The following MFSD11 variants were observed in gnomAD, a reference collection of about 807,000 sequenced individuals.
MFSD11 encodes major facilitator superfamily domain containing 11.
A neutral mutation model predicts 53.5 loss-of-function variants in MFSD11; 36 were observed. That is an observed-to-expected ratio of 0.67 (90% CI 0.52 to 0.89). The LOEUF (loss-of-function observed/expected upper bound fraction) is 0.89, where lower values mean the gene tolerates loss of function less well. MFSD11 is among the 40% of genes least tolerant of loss of function. The pLI is 0.00. For missense variants in MFSD11, 530 were observed against 543.9 expected (o/e 0.97, Z 0.25); for synonymous variants, 186 against 184.9 (o/e 1.01, Z -0.05).
chr17:76,777,808 G>C (rs966468030), intron 12 of MFSD11, among the ~76,000 whole-genome samples: 1 of 151,994 alleles, frequency 6.6e-6, no homozygotes, highest in African/African-American at 2.4e-5. Context: ...GTACATTCTT[G>C]TTACTCCAGT....
At chr17:76,744,033 G>T (rs1221979056) in intron 6 of MFSD11, among the ~76,000 whole-genome samples, 2 of 152,182 alleles carry the variant, frequency 1.3e-5, no homozygotes, top group Non-Finnish European at 2.9e-5. Context: ...CGAGTATGTG[G>T]TTCTCAGAAG....
downstream of MFSD11, among the ~76,000 whole-genome samples, chr17:76,785,918 A>G (rs1476063962): frequency 6.6e-6 from 1 of 151,626 alleles, no homozygotes; most frequent in Non-Finnish European, 1.5e-5. Flanking sequence ...TTGTTTCTTA[A>G]AAATACAAAA....
intron 8 of MFSD11, among the ~76,000 whole-genome samples, chr17:76,758,962 G>C (rs1367080540): frequency 6.6e-6 from 1 of 152,024 alleles, no homozygotes; most frequent in African/African-American, 2.4e-5. Flanking sequence ...CACAAATTTT[G>C]AGTCAGGCAC....
intron 8 of MFSD11, among the ~76,000 whole-genome samples, chr17:76,765,312 T>C (rs1197160641): frequency 1.3e-5 from 2 of 152,178 alleles, no homozygotes; most frequent in African/African-American, 4.8e-5. Flanking sequence ...TATAAACATT[T>C]ATCTCTAGAT....
the MFSD11 span, among the ~76,000 whole-genome samples, chr17:76,791,939 AAAG>A: frequency 1.4e-5 from 2 of 146,920 alleles, no homozygotes; most frequent in Admixed American, 6.8e-5. Flanking sequence ...GAAACCAGTG[AAAG>A]AAGAATAGCC....
intron 8 of MFSD11, among the ~76,000 whole-genome samples, chr17:76,765,431 A>G (rs554223206): frequency 1.4e-3 from 79 of 55,678 alleles, no homozygotes; most frequent in Admixed American, 3.3e-3. Flanking sequence ...TATTTTGGCT[A>G]TTGTGGGTCC....
rs747604946 is a variant in MFSD11 at position 76,738,976 on chromosome 17, C to T, written c.135C>T (p.His45=). The change falls in exon 2 of 13, where the codon CAC becomes CAT. Residue 45 remains histidine, a synonymous_variant. Transcript: ENST00000685175. ...VIRSLNRTDF[H]GSGYTSMAII... ...GGAGCTTAAATAGGACAGATTTTCA[C>T]GGCAGTGGATATACCAGGTATTGTA... 5 of 1,613,672 alleles carry T rather than the reference C, an allele frequency of 3.1e-6. No homozygotes were observed. In the South Asian group the frequency reaches 3.3e-5, roughly 11 times the overall value.
At chr17:76,797,271 T>G in the MFSD11 span, among the ~76,000 whole-genome samples, 1,278 of 152,274 alleles carry the variant, frequency 8.4e-3, 12 homozygotes, top group African/African-American at 0.029. Flanking sequence ...ATTTTAAGGT[T>G]GTTTTTTGAT....
the MFSD11 span, among the ~76,000 whole-genome samples, chr17:76,794,151 A>C: frequency 6.6e-6 from 1 of 151,438 alleles, no homozygotes; most frequent in Non-Finnish European, 1.5e-5. Context: ...TTGCTATAGC[A>C]GCAGTAGCAA....
At chr17:76,736,638 A>G (rs552780754), upstream of MFSD11, 25 of 1,161,170 alleles carry the variant, frequency 2.2e-5, no homozygotes, top group African/African-American at 2.3e-4. Context: ...CGGGTCGCAG[A>G]CGGCGGAAGC....
At chr17:76,770,430 C>T (rs550665304) in intron 10 of MFSD11, among the ~76,000 whole-genome samples, 14 of 152,298 alleles carry the variant, frequency 9.2e-5, no homozygotes, top group African/African-American at 2.9e-4. Flanking sequence ...CAATGTCTCC[C>T]GACTTTTCCT....
chr17:76,739,728 C>A (rs771866182), intron 2 of MFSD11, among the ~76,000 whole-genome samples: 1 of 152,162 alleles, frequency 6.6e-6, no homozygotes, highest in Non-Finnish European at 1.5e-5. Flanking sequence ...CCCCGCCCCC[C>A]ACAAACCCAT....
intron 12 of MFSD11, 123 bp from the exon 13 acceptor site, chr17:76,778,065 A>C: frequency 1.2e-6 from 1 of 862,904 alleles, no homozygotes; most frequent in Non-Finnish European, 1.8e-6. Context: ...TTGATGCAGA[A>C]AGAATAGAAA....
At chr17:76,767,897 C>T (rs1163453872) in intron 9 of MFSD11, among the ~76,000 whole-genome samples, 1 of 152,192 alleles carries the variant, frequency 6.6e-6, no homozygotes, top group Non-Finnish European at 1.5e-5. Flanking sequence ...GGAAGGATTC[C>T]ACACAAGGTT....
At chr17:76,749,272 A>G (rs1229974916) in intron 7 of MFSD11, among the ~76,000 whole-genome samples, 1 of 152,110 alleles carries the variant, frequency 6.6e-6, no homozygotes, top group Non-Finnish European at 1.5e-5. Context: ...AATAAAAATC[A>G]TAGCACTTTG....
rs542923840 is a variant in MFSD11, at chr17:76,761,869, C to T, written c.683-5517C>T. 8.2e-4 allele frequency among the ~76,000 whole-genome samples: 124 copies of T among 150,420 alleles called. No individual in the cohort carries two copies. In the South Asian group the frequency reaches 0.013, roughly 16 times the overall value. ...CCAGGAGGCGGAGCTTGCAGTGAGC[C>T]GAGATCACGCCACTGCACTCCAGCC... On this transcript the variant is annotated intron_variant, in intron 8 of 12. Coordinates refer to ENST00000685175, the MANE Select transcript of MFSD11 (RefSeq NM_001242532.5).
chr17:76,754,156 TC>T, intron 8 of MFSD11, 69 bp downstream of exon 8: 1 of 1,343,856 alleles, frequency 7.4e-7, no homozygotes, highest in Non-Finnish European at 1.1e-6. Flanking sequence ...TTTCCCCTAT[TC>T]CCTGGTAACT....
chr17:76,742,742 G>T (rs1400797910), intron 5 of MFSD11, among the ~76,000 whole-genome samples: 1 of 152,144 alleles, frequency 6.6e-6, no homozygotes, highest in Non-Finnish European at 1.5e-5. Flanking sequence ...CTGACCTTGT[G>T]ATCCGCCCGC....
At chr17:76,758,442 G>C (rs1237776300) in intron 8 of MFSD11, among the ~76,000 whole-genome samples, 1 of 151,988 alleles carries the variant, frequency 6.6e-6, no homozygotes, top group Non-Finnish European at 1.5e-5. Context: ...AATTAGCTGG[G>C]TTTTGGGGCA....
Sources: gnomAD v4.1 joint callset for allele counts (sites outside exome capture counted in the v4.1 genomes callset) on GRCh38, gnomAD v4.1.1 for gene constraint, MANE v1.5 for transcripts, NCBI Gene and HGNC (gene_info 2026-07-23, HGNC 2026-07-21) for gene names.